Variants in SPATA31H1 observed in about 807,000 individuals in gnomAD.
SPATA31H1 encodes the protein spermatogenesis-associated protein 31H1.
the SPATA31H1 span, chr2:27,580,742 T>C: frequency 6.2e-7 from 1 of 1,614,086 alleles, no homozygotes; most frequent in Non-Finnish European, 8.5e-7. Flanking sequence ...GCAAAAACTA[T>C]TATCCAAAAC....
chr2:27,545,102 A>G, the SPATA31H1 span, among the ~76,000 whole-genome samples: 3 of 151,602 alleles, frequency 2.0e-5, no homozygotes, highest in South Asian at 6.2e-4. Context: ...GGCTCACTGC[A>G]ACCTCCATCT....
the SPATA31H1 span, among the ~76,000 whole-genome samples, chr2:27,545,833 G>A: frequency 2.0e-5 from 3 of 151,850 alleles, no homozygotes; most frequent in Non-Finnish European, 2.9e-5. Flanking sequence ...AAAGTGCTGA[G>A]ATTACAGGTG....
At chr2:27,579,563 A>T in the SPATA31H1 span, 1 of 1,614,116 alleles carries the variant, frequency 6.2e-7, no homozygotes, top group Non-Finnish European at 8.5e-7. Flanking sequence ...GAGTGAGAAT[A>T]AAGAAGACAA....
chr2:27,539,370 C>T, the SPATA31H1 span, among the ~76,000 whole-genome samples: 1 of 137,282 alleles, frequency 7.3e-6, no homozygotes, highest in Non-Finnish European at 1.5e-5. Context: ...CATCTTGCAC[C>T]GCCCTTAATC....
At chr2:27,555,004 G>A in the SPATA31H1 span, among the ~76,000 whole-genome samples, 34 of 151,934 alleles carry the variant, frequency 2.2e-4, no homozygotes, top group South Asian at 1.0e-3. Context: ...ATGAATTTTG[G>A]GGGGGACATA....
At chr2:27,554,006 G>T in the SPATA31H1 span, among the ~76,000 whole-genome samples, 1 of 152,032 alleles carries the variant, frequency 6.6e-6, no homozygotes, top group Non-Finnish European at 1.5e-5. Flanking sequence ...ACTAGAACAT[G>T]AACATAATTC....
the SPATA31H1 span, chr2:27,579,219 C>T: frequency 5.0e-6 from 8 of 1,614,072 alleles, no homozygotes; most frequent in South Asian, 1.1e-5. Flanking sequence ...CTGGAGGCAG[C>T]GACTACCAAG....
chr2:27,555,790 C>T, the SPATA31H1 span, among the ~76,000 whole-genome samples: 2 of 151,938 alleles, frequency 1.3e-5, no homozygotes, highest in African/African-American at 4.9e-5. Context: ...AACTATTCAT[C>T]TTATTCCTCC....
chr2:27,582,555 T>C, the SPATA31H1 span: 1 of 1,544,630 alleles, frequency 6.5e-7, no homozygotes, highest in Non-Finnish European at 8.7e-7. Context: ...TTATTCATTG[T>C]CCTAAGTCTT....
chr2:27,575,025 A>G, the SPATA31H1 span: 1 of 398,596 alleles, frequency 2.5e-6, no homozygotes, highest in East Asian at 3.6e-5. This position sits in a 1 kb window ranked among gnomAD's most constrained non-coding sequence, Gnocchi z 4.1. Flanking sequence ...TTTGGAGTTA[A>G]GCTCAACTTC....
the SPATA31H1 span, chr2:27,574,156 A>T: frequency 2.5e-6 from 1 of 398,402 alleles, no homozygotes. Context: ...TCGATACCGA[A>T]GACAAAGCTT....
At chr2:27,577,683 C>A in the SPATA31H1 span, 1 of 1,614,012 alleles carries the variant, frequency 6.2e-7, no homozygotes, top group Non-Finnish European at 8.5e-7. This position sits in a 1 kb window ranked among gnomAD's most constrained non-coding sequence, Gnocchi z 4.5. Flanking sequence ...GTCAGGAGTG[C>A]AGGTAGAGAA....
At chr2:27,582,153 C>T in the SPATA31H1 span, 6 of 1,613,898 alleles carry the variant, frequency 3.7e-6, no homozygotes, top group African/African-American at 2.7e-5. Context: ...GGAAAGAAGC[C>T]GTTGCAGTCC....
the SPATA31H1 span, chr2:27,567,004 A>T: frequency 5.6e-6 from 4 of 717,470 alleles, no homozygotes; most frequent in African/African-American, 7.0e-5. Context: ...TTCAGGAACC[A>T]AGGCAGAACC....
the SPATA31H1 span, among the ~76,000 whole-genome samples, chr2:27,552,165 A>G: frequency 6.6e-6 from 1 of 152,024 alleles, no homozygotes; most frequent in Non-Finnish European, 1.5e-5. Context: ...CCAAGTTGAC[A>G]TGAAATTAAC....
the SPATA31H1 span, chr2:27,579,241 C>G: frequency 1.2e-6 from 2 of 1,614,166 alleles, no homozygotes; most frequent in Non-Finnish European, 8.5e-7. Flanking sequence ...AAATATCTCT[C>G]CACTATGCTA....
the SPATA31H1 span, among the ~76,000 whole-genome samples, chr2:27,539,816 C>T: frequency 1.4e-5 from 1 of 73,154 alleles, no homozygotes; most frequent in Non-Finnish European, 2.6e-5. Context: ...TAGGGGCGGC[C>T]GGGCAGAGGC....
chr2:27,576,861 T>A, the SPATA31H1 span: 1 of 1,614,062 alleles, frequency 6.2e-7, no homozygotes, highest in Non-Finnish European at 8.5e-7. Flanking sequence ...AGCACCAGGG[T>A]CACTGCCTCA....
At chr2:27,556,714 T>A in the SPATA31H1 span, among the ~76,000 whole-genome samples, 631 of 147,432 alleles carry the variant, frequency 4.3e-3, 2 homozygotes, top group Non-Finnish European at 6.9e-3. Flanking sequence ...TTAATTAATT[T>A]ATTTTTTTTT....
Sources: allele counts gnomAD v4.1 joint callset (sites outside exome capture counted in the v4.1 genomes callset), GRCh38; gene constraint gnomAD v4.1.1; non-coding constraint Gnocchi (gnomAD v3.1); transcripts MANE v1.5; gene names NCBI Gene and HGNC (gene_info 2026-07-23, HGNC 2026-07-21).